Variants in NRG3 observed in about 807,000 individuals in gnomAD.
The protein encoded by NRG3 is pro-neuregulin-3, membrane-bound isoform.
NRG3 carries 31 observed loss-of-function variants against 66.9 expected under a neutral mutation model. The ratio of observed to expected loss-of-function variants is 0.46; its 90% CI spans 0.35 to 0.63. The LOEUF (loss-of-function observed/expected upper bound fraction) is 0.63. Among genes scored for constraint, NRG3 ranks in the 20% least tolerant of loss-of-function variants. The pLI, the probability that NRG3 is intolerant of heterozygous loss-of-function variation, is 0.00. For synonymous variants in NRG3, 393 were observed against 359.4 expected (o/e 1.09, Z -1.06); for missense variants, 910 against 878.9 (o/e 1.04, Z -0.45).
At chr10:82,054,074 C>T (rs964531428) in intron 1 of NRG3, among the ~76,000 whole-genome samples, 9 of 152,070 alleles carry the variant, frequency 5.9e-5, no homozygotes, top group Non-Finnish European at 1.3e-4. Context: ...ATACAGAGGC[C>T]TTAAGAGTGA....
At chr10:82,313,655 T>C (rs2081148920) in intron 1 of NRG3, among the ~76,000 whole-genome samples, 1 of 84,846 alleles carries the variant, frequency 1.2e-5, no homozygotes, top group Non-Finnish European at 2.1e-5. Context: ...GGGACCTCAT[T>C]CCCAGGTCAG....
At chr10:82,109,732 T>G (rs1229032302) in intron 1 of NRG3, among the ~76,000 whole-genome samples, 2 of 152,160 alleles carry the variant, frequency 1.3e-5, no homozygotes, top group Non-Finnish European at 2.9e-5. Context: ...TTTAGTGATT[T>G]TCAAACACTG....
intron 1 of NRG3, among the ~76,000 whole-genome samples, chr10:81,997,344 T>C (rs941821245): frequency 6.6e-6 from 1 of 152,244 alleles, no homozygotes; most frequent in Non-Finnish European, 1.5e-5. Context: ...GCAGGGTCAC[T>C]ATGGGATGTC....
At chr10:81,951,144 G>A (rs1162341349) in intron 1 of NRG3, among the ~76,000 whole-genome samples, 2 of 152,176 alleles carry the variant, frequency 1.3e-5, no homozygotes, top group Middle Eastern at 3.4e-3. Flanking sequence ...TTAAGTCAAC[G>A]TTTCTGATCT....
At chr10:82,357,881 T>G (rs1427690131) in intron 1 of NRG3, among the ~76,000 whole-genome samples, 1 of 152,268 alleles carries the variant, frequency 6.6e-6, no homozygotes, top group East Asian at 1.9e-4. Flanking sequence ...GCTTAAGCAT[T>G]GAATAATTTT....
At chr10:82,067,436 C>T (rs1415732335) in intron 1 of NRG3, among the ~76,000 whole-genome samples, 4 of 152,242 alleles carry the variant, frequency 2.6e-5, no homozygotes, top group Non-Finnish European at 5.9e-5. Flanking sequence ...GCAACCTTCT[C>T]TCCCCGGTTC....
chr10:82,802,443 C>G (rs2061083901), intron 3 of NRG3, among the ~76,000 whole-genome samples: 1 of 152,086 alleles, frequency 6.6e-6, no homozygotes, highest in Non-Finnish European at 1.5e-5. Context: ...TTGGTGAGCT[C>G]AGGTTTAATG....
chr10:82,116,977 G>A (rs1564577998), intron 1 of NRG3, among the ~76,000 whole-genome samples: 1 of 151,980 alleles, frequency 6.6e-6, no homozygotes, highest in African/African-American at 2.4e-5. Flanking sequence ...TCTTTCTAGG[G>A]TTCACCTCAA....
chr10:82,973,955 A>G (rs1852008549), intron 7 of NRG3, 40 bp downstream of exon 7: 2 of 1,611,630 alleles, frequency 1.2e-6, no homozygotes, highest in Non-Finnish European at 1.7e-6. Context: ...GCACCTTCAC[A>G]CTGTGTGTAT....
intron 3 of NRG3, among the ~76,000 whole-genome samples, chr10:82,834,796 T>C (rs2062696142): frequency 6.6e-6 from 1 of 152,126 alleles, no homozygotes. Context: ...ACTGTGATAT[T>C]CCTGTGATTG....
At chr10:82,432,276 A>G (rs1278642884) in intron 2 of NRG3, among the ~76,000 whole-genome samples, 1 of 152,032 alleles carries the variant, frequency 6.6e-6, no homozygotes, top group African/African-American at 2.4e-5. Flanking sequence ...TCCTCCTCTC[A>G]AACAGTCTAC....
At chr10:82,564,823 T>C (rs1218583759) in intron 2 of NRG3, among the ~76,000 whole-genome samples, 2 of 152,132 alleles carry the variant, frequency 1.3e-5, no homozygotes, top group Non-Finnish European at 2.9e-5. Flanking sequence ...GCTCAGTATC[T>C]TCTTAACTCA....
intron 2 of NRG3, among the ~76,000 whole-genome samples, chr10:82,504,837 T>C (rs1844524667): frequency 6.6e-6 from 1 of 152,162 alleles, no homozygotes; most frequent in Non-Finnish European, 1.5e-5. Flanking sequence ...GAATAAATGA[T>C]AATTCTACCC....
chr10:82,898,221 G>T (rs1171755713), intron 4 of NRG3, among the ~76,000 whole-genome samples: 1 of 152,180 alleles, frequency 6.6e-6, no homozygotes, highest in Non-Finnish European at 1.5e-5. Flanking sequence ...GCCTACAGTG[G>T]TCAGCCACTT....
chr10:82,703,112 G>A (rs575281175), intron 2 of NRG3, among the ~76,000 whole-genome samples: 8 of 151,588 alleles, frequency 5.3e-5, no homozygotes, highest in Non-Finnish European at 1.2e-4. Context: ...GGCAGTCTGA[G>A]TGGTAAGACA....
At chr10:82,893,112 C>T (rs1428715247) in intron 4 of NRG3, among the ~76,000 whole-genome samples, 1 of 152,008 alleles carries the variant, frequency 6.6e-6, no homozygotes, top group African/African-American at 2.4e-5. Flanking sequence ...TATAATTAAG[C>T]TTGATGTGAT....
At chr10:82,974,597 G>A (rs1175068773) in intron 7 of NRG3, among the ~76,000 whole-genome samples, 1 of 152,178 alleles carries the variant, frequency 6.6e-6, no homozygotes, top group Non-Finnish European at 1.5e-5. Context: ...ATGCTAGATT[G>A]TGTTCAGATA....
intron 3 of NRG3, among the ~76,000 whole-genome samples, chr10:82,863,372 A>T (rs1427367932): frequency 1.3e-5 from 2 of 152,190 alleles, no homozygotes; most frequent in African/African-American, 4.8e-5. Flanking sequence ...TTGGGTATAT[A>T]CCCAGTAATG....
intron 2 of NRG3, among the ~76,000 whole-genome samples, chr10:82,424,367 A>G (rs936833449): frequency 1.3e-5 from 2 of 152,036 alleles, no homozygotes; most frequent in Non-Finnish European, 2.9e-5. Context: ...GTGGCACCTC[A>G]TTGAGGTTTT....
Sources: gnomAD v4.1 joint callset for allele counts (sites outside exome capture counted in the v4.1 genomes callset) on GRCh38, gnomAD v4.1.1 for gene constraint, MANE v1.5 for transcripts, NCBI Gene and HGNC (gene_info 2026-07-23, HGNC 2026-07-21) for gene names.